PCDH15: variants seen among roughly 807,000 people sequenced by gnomAD.
PCDH15 encodes the protein protocadherin related 15.
Under a neutral mutation model 178.5 loss-of-function variants are expected in PCDH15, and 129 were observed. The ratio of observed to expected loss-of-function variants is 0.72; its 90% CI spans 0.63 to 0.84. The LOEUF is 0.84. PCDH15 is among the 40% of genes least tolerant of loss of function. The probability of loss-of-function intolerance (pLI) is 0.00; values close to 1 mark genes in which losing one functional copy is unlikely to be tolerated. For missense variants in PCDH15, 2,230 were observed against 2,099.9 expected, an observed-to-expected ratio of 1.06 and a Z score of -1.21; for synonymous variants, 800 against 732.0, an observed-to-expected ratio of 1.09 and a Z score of -1.50.
chr10:54,821,491 C>G (rs951829603), intron 3 of PCDH15, among the ~76,000 whole-genome samples: 1 of 151,878 alleles, frequency 6.6e-6, no homozygotes, highest in African/African-American at 2.4e-5. Flanking sequence ...TGACAAGCTA[C>G]GTTTTTAAAA....
At chr10:54,260,225 A>G (rs1438728158) in intron 8 of PCDH15, among the ~76,000 whole-genome samples, 1 of 152,174 alleles carries the variant, frequency 6.6e-6, no homozygotes, top group Non-Finnish European at 1.5e-5. Context: ...GAGTTTTATT[A>G]GAAGATTTTC....
At chr10:55,475,585 T>C (rs1840046833) in intron 2 of PCDH15, among the ~76,000 whole-genome samples, 1 of 152,114 alleles carries the variant, frequency 6.6e-6, no homozygotes, top group Non-Finnish European at 1.5e-5. Flanking sequence ...TAGGTTGCAG[T>C]TAAAACTTTG....
chr10:55,198,384 A>G (rs1840151388), intron 1 of PCDH15, among the ~76,000 whole-genome samples: 1 of 152,250 alleles, frequency 6.6e-6, no homozygotes, highest in East Asian at 1.9e-4. Context: ...TTCTTGTGAC[A>G]GTAAATGAAT....
At chr10:53,850,290 A>G (rs1193980571) in intron 28 of PCDH15, among the ~76,000 whole-genome samples, 1 of 152,198 alleles carries the variant, frequency 6.6e-6, no homozygotes, top group East Asian at 1.9e-4. Context: ...TAAGCATTAA[A>G]GATGCTACTG....
intron 2 of PCDH15, among the ~76,000 whole-genome samples, chr10:55,508,635 C>G (rs889171482): frequency 6.6e-6 from 1 of 151,680 alleles, no homozygotes; most frequent in Non-Finnish European, 1.5e-5. Flanking sequence ...TAAAAGTTGA[C>G]ATAGAATTTC....
At chr10:55,222,991 G>C (rs1015397896) in intron 1 of PCDH15, among the ~76,000 whole-genome samples, 12 of 151,728 alleles carry the variant, frequency 7.9e-5, no homozygotes, top group African/African-American at 2.9e-4. Flanking sequence ...TTTCTTAACA[G>C]ACTGAATCTC....
At chr10:55,239,239 A>G (rs1035437808) in intron 1 of PCDH15, among the ~76,000 whole-genome samples, 17 of 152,176 alleles carry the variant, frequency 1.1e-4, no homozygotes, top group Non-Finnish European at 1.9e-4. Context: ...ATGTATACGT[A>G]CAACATTTTC....
At chr10:54,186,129 A>T (rs1251254880) in intron 11 of PCDH15, among the ~76,000 whole-genome samples, 1 of 152,058 alleles carries the variant, frequency 6.6e-6, no homozygotes, top group Non-Finnish European at 1.5e-5. Context: ...AGGTGGAGCG[A>T]AGAAAAAAGG....
intron 21 of PCDH15, among the ~76,000 whole-genome samples, chr10:53,965,757 A>G (rs2660184): frequency 0.71 from 107,733 of 151,988 alleles, 38,534 homozygotes; most frequent in East Asian, 0.87. Context: ...TAGCATGAGG[A>G]CCCATTCAGT....
intron 2 of PCDH15, among the ~76,000 whole-genome samples, chr10:55,367,670 A>G (rs1287877114): frequency 6.6e-6 from 1 of 152,162 alleles, no homozygotes; most frequent in Non-Finnish European, 1.5e-5. Flanking sequence ...AATGAGCAGA[A>G]GGCTTTCATA....
chr10:54,280,743 T>C (rs184988554), intron 8 of PCDH15, among the ~76,000 whole-genome samples: 1 of 151,938 alleles, frequency 6.6e-6, no homozygotes, highest in Admixed American at 6.6e-5. Context: ...TTTTCGTAGA[T>C]GTTCCTACTC....
At chr10:55,471,759 C>G (rs1186176341) in intron 2 of PCDH15, among the ~76,000 whole-genome samples, 2 of 152,184 alleles carry the variant, frequency 1.3e-5, no homozygotes. Flanking sequence ...GGTCTCTTTG[C>G]CCACGCCCAC....
chr10:54,158,238 A>G (rs1226487628), intron 13 of PCDH15, among the ~76,000 whole-genome samples: 2 of 152,232 alleles, frequency 1.3e-5, no homozygotes, highest in East Asian at 3.8e-4. Flanking sequence ...TGGGCAATTT[A>G]CAAAAGAAAA....
intron 20 of PCDH15, among the ~76,000 whole-genome samples, chr10:54,010,134 G>A (rs1408347027): frequency 6.6e-6 from 1 of 152,156 alleles, no homozygotes; most frequent in Non-Finnish European, 1.5e-5. Context: ...AGAGGGAGAG[G>A]CTGGCTGCCA....
chr10:53,961,015 AAAAC>A (rs1315263702), intron 22 of PCDH15, among the ~76,000 whole-genome samples: 2 of 152,188 alleles, frequency 1.3e-5, no homozygotes, highest in African/African-American at 4.8e-5. Context: ...AAATATGTAA[AAAAC>A]AAAAGAGGGA....
chr10:53,955,301 C>G (rs1589607170), intron 23 of PCDH15, among the ~76,000 whole-genome samples: 1 of 152,062 alleles, frequency 6.6e-6, no homozygotes, highest in Admixed American at 6.5e-5. Context: ...AACTTTAAAC[C>G]ATTGATATTT....
chr10:55,265,733 TAA>T (rs1842273148), intron 1 of PCDH15, among the ~76,000 whole-genome samples: 2 of 152,228 alleles, frequency 1.3e-5, no homozygotes, highest in South Asian at 4.1e-4. Context: ...CTGGAAAAGC[TAA>T]GAGAGGCCTT....
intron 16 of PCDH15, among the ~76,000 whole-genome samples, chr10:54,087,475 A>AGT (rs2094533097): frequency 6.6e-6 from 1 of 152,212 alleles, no homozygotes; most frequent in Non-Finnish European, 1.5e-5. Flanking sequence ...AGCATGTTTC[A>AGT]GTACCTCATT....
At chr10:55,296,807 A>G (rs1203663386) in intron 1 of PCDH15, among the ~76,000 whole-genome samples, 4 of 152,092 alleles carry the variant, frequency 2.6e-5, no homozygotes, top group Non-Finnish European at 5.9e-5. Context: ...TCACATCACT[A>G]CCATCATAGT....
Sources: allele counts gnomAD v4.1 joint callset (sites outside exome capture counted in the v4.1 genomes callset), GRCh38; gene constraint gnomAD v4.1.1; transcripts MANE v1.5; gene names NCBI Gene and HGNC (gene_info 2026-07-23, HGNC 2026-07-21).